Variants in CCSER1 observed in about 807,000 individuals in gnomAD.
CCSER1 encodes coiled-coil serine rich protein 1, also known as serine-rich coiled-coil domain-containing protein 1.
A neutral mutation model predicts 82.0 loss-of-function variants in CCSER1; 41 were observed. The ratio of observed to expected loss-of-function variants is 0.50; its 90% CI spans 0.39 to 0.65. CCSER1 has a LOEUF of 0.65. Among genes scored for constraint, CCSER1 ranks in the 30% least tolerant of loss-of-function variants. The probability of loss-of-function intolerance (pLI) is 0.00; values close to 1 mark genes in which losing one functional copy is unlikely to be tolerated. For synonymous variants in CCSER1, 414 were observed against 383.9 expected, an observed-to-expected ratio of 1.08 and a Z score of -0.92; for missense variants, 1,119 against 1,064.2, an observed-to-expected ratio of 1.05 and a Z score of -0.72.
At chr4:90,956,022 T>A (rs1367522412) in intron 9 of CCSER1, among the ~76,000 whole-genome samples, 1 of 152,108 alleles carries the variant, frequency 6.6e-6, no homozygotes, top group Non-Finnish European at 1.5e-5. Context: ...TTATTCTGTG[T>A]CTCTCTGGGC....
intron 10 of CCSER1, among the ~76,000 whole-genome samples, chr4:91,265,641 T>C (rs1044706960): frequency 2.0e-5 from 3 of 152,180 alleles, no homozygotes; most frequent in Admixed American, 6.5e-5. Flanking sequence ...ATTGTTTCCT[T>C]CATACTTTTT....
chr4:91,392,363 G>GCGCACACGCACACACA (rs1553932164), intron 10 of CCSER1, among the ~76,000 whole-genome samples: 1 of 148,118 alleles, frequency 6.8e-6, no homozygotes, highest in Admixed American at 6.8e-5. Context: ...ACCTACACAT[G>GCGCACACGCACACACA]CACACACACA....
At chr4:90,271,901 T>C in intron 1 of CCSER1, among the ~76,000 whole-genome samples, 1 of 125,076 alleles carries the variant, frequency 8.0e-6, no homozygotes, top group African/African-American at 3.0e-5. Context: ...AAAAGGAGGT[T>C]TAATTGACTC....
At chr4:90,138,377 C>T (rs189766001) in intron 1 of CCSER1, among the ~76,000 whole-genome samples, 179 of 152,214 alleles carry the variant, frequency 1.2e-3, no homozygotes, top group Non-Finnish European at 2.1e-3. Flanking sequence ...TGAATTTTGT[C>T]GGCATTATGT....
intron 3 of CCSER1, 140 bp downstream of exon 3, chr4:90,313,187 A>G: frequency 1.4e-6 from 1 of 729,888 alleles, no homozygotes; most frequent in Non-Finnish European, 2.2e-6. Flanking sequence ...AGTTGACATT[A>G]CAAGTCAGAG....
intron 5 of CCSER1, among the ~76,000 whole-genome samples, chr4:90,500,340 A>ATT (rs369132506): frequency 6.9e-6 from 1 of 145,646 alleles, no homozygotes. Context: ...CTTGATCCAC[A>ATT]TTTTTTTTTT....
intron 1 of CCSER1, among the ~76,000 whole-genome samples, chr4:90,157,566 T>C (rs1728502093): frequency 6.6e-6 from 1 of 152,146 alleles, no homozygotes; most frequent in Admixed American, 6.5e-5. Flanking sequence ...GGAGGCTTTG[T>C]TCGTTTCTTT....
At chr4:91,491,389 ATACTT>A (rs1202770071) in intron 10 of CCSER1, among the ~76,000 whole-genome samples, 1 of 152,124 alleles carries the variant, frequency 6.6e-6, no homozygotes, top group South Asian at 2.1e-4. Flanking sequence ...TGAACACAAA[ATACTT>A]TAAACAGAGC....
intron 9 of CCSER1, among the ~76,000 whole-genome samples, chr4:90,998,619 T>C (rs1737716242): frequency 6.6e-6 from 1 of 152,186 alleles, no homozygotes; most frequent in African/African-American, 2.4e-5. Flanking sequence ...GCTCTGAAAA[T>C]AAACCTTAAT....
At chr4:90,818,188 G>C (rs1561191806) in intron 8 of CCSER1, among the ~76,000 whole-genome samples, 1 of 151,766 alleles carries the variant, frequency 6.6e-6, no homozygotes. Context: ...TTATATTTTT[G>C]AGTTAGCCTC....
At chr4:91,038,929 G>T (rs1741681908) in intron 9 of CCSER1, among the ~76,000 whole-genome samples, 1 of 152,174 alleles carries the variant, frequency 6.6e-6, no homozygotes, top group African/African-American at 2.4e-5. Flanking sequence ...AGAAATGTTA[G>T]GTTGATCAGT....
At chr4:91,158,330 G>T (rs1433980178) in intron 10 of CCSER1, among the ~76,000 whole-genome samples, 3 of 151,966 alleles carry the variant, frequency 2.0e-5, no homozygotes, top group Admixed American at 6.5e-5. Context: ...GGAGTGCCCT[G>T]CAAGGCAGCA....
intron 8 of CCSER1, among the ~76,000 whole-genome samples, chr4:90,923,134 G>A (rs1418610457): frequency 6.6e-6 from 1 of 152,128 alleles, no homozygotes; most frequent in Non-Finnish European, 1.5e-5. Flanking sequence ...GTTGAACTGT[G>A]GTTCTGACTC....
intron 3 of CCSER1, among the ~76,000 whole-genome samples, chr4:90,379,110 A>G (rs1403297696): frequency 6.6e-6 from 1 of 152,206 alleles, no homozygotes; most frequent in Non-Finnish European, 1.5e-5. Flanking sequence ...ACCATGAAAA[A>G]TTTCTGTAGT....
chr4:90,462,152 G>C lies in CCSER1; in HGVS notation c.1604-6082G>C, dbSNP rs189215757. Among the ~76,000 whole-genome samples the C allele has an allele frequency of 4.4e-3, 669 of 151,776 alleles. 3 individuals are homozygous for C. Among genetic ancestry groups the C allele is most frequent in the Non-Finnish European group, 5.5e-3 (376 of 67,922 alleles). On this transcript the variant is annotated intron_variant, in intron 4 of 10. Coordinates refer to ENST00000509176, the MANE Select transcript of CCSER1 (RefSeq NM_001145065.2). Reference sequence around the variant, plus strand: ...TTTACTGGTTCAGTAAATATTTACTGGTTCATTTTGGTATTTACAATACCA... The same window carrying C: ...TTTACTGGTTCAGTAAATATTTACTCGTTCATTTTGGTATTTACAATACCA...
intron 1 of CCSER1, among the ~76,000 whole-genome samples, chr4:90,180,750 G>C (rs1733590034): frequency 6.6e-6 from 1 of 152,046 alleles, no homozygotes; most frequent in African/African-American, 2.4e-5. Flanking sequence ...TATCACTCCT[G>C]TTAAGGCTTG....
At chr4:90,689,014 CTT>C (rs1735320377) in intron 6 of CCSER1, among the ~76,000 whole-genome samples, 1 of 152,034 alleles carries the variant, frequency 6.6e-6, no homozygotes, top group African/African-American at 2.4e-5. Flanking sequence ...TTAAAACAGT[CTT>C]ATGCATACTA....
At chr4:90,809,731 A>G (rs1758001785) in intron 7 of CCSER1, among the ~76,000 whole-genome samples, 2 of 128,400 alleles carry the variant, frequency 1.6e-5, no homozygotes, top group South Asian at 4.6e-4. Flanking sequence ...ATAATAAGGT[A>G]AAAAAAAAAA....
intron 5 of CCSER1, among the ~76,000 whole-genome samples, chr4:90,616,203 C>T (rs1721160647): frequency 1.3e-5 from 2 of 152,154 alleles, no homozygotes; most frequent in South Asian, 2.1e-4. Flanking sequence ...TGTGTGACTT[C>T]CTTTATTGAA....
Sources: allele counts gnomAD v4.1 joint callset (sites outside exome capture counted in the v4.1 genomes callset), GRCh38; gene constraint gnomAD v4.1.1; transcripts MANE v1.5; gene names NCBI Gene and HGNC (gene_info 2026-07-23, HGNC 2026-07-21).